CNBD1: variants seen among roughly 807,000 people sequenced by gnomAD.
CNBD1 encodes cyclic nucleotide-binding domain-containing protein 1.
A neutral mutation model predicts 54.4 loss-of-function variants in CNBD1; 71 were observed. The ratio of observed to expected loss-of-function variants is 1.30; its 90% CI spans 1.08 to 1.59. The LOEUF (loss-of-function observed/expected upper bound fraction) is 1.59. Ranked by LOEUF, CNBD1 falls within the 40% of genes most tolerant of loss-of-function variation. The pLI is 0.00. For missense variants in CNBD1, 659 were observed against 518.0 expected (o/e 1.27, Z -2.64); for synonymous variants, 182 against 170.7 (o/e 1.07, Z -0.51).
At chr8:87,180,771 A>G (rs949555049) in intron 4 of CNBD1, among the ~76,000 whole-genome samples, 1 of 152,132 alleles carries the variant, frequency 6.6e-6, no homozygotes, top group Admixed American at 6.6e-5. Flanking sequence ...TGTGTGTTTG[A>G]CTCTCAGGCA....
chr8:87,313,560 G>C (rs147831341), intron 8 of CNBD1, among the ~76,000 whole-genome samples: 106 of 151,994 alleles, frequency 7.0e-4, no homozygotes, highest in African/African-American at 2.4e-3. Flanking sequence ...TGGAACCATA[G>C]AATATCATTT....
At chr8:87,199,334 A>T (rs1054617089) in intron 4 of CNBD1, among the ~76,000 whole-genome samples, 4 of 152,220 alleles carry the variant, frequency 2.6e-5, no homozygotes, top group African/African-American at 4.8e-5. Flanking sequence ...TCAACAACAG[A>T]TTTGAGTTGC....
At chr8:87,087,236 TATATATATACGTATATATATATATAC>T (rs905187737) in intron 4 of CNBD1, among the ~76,000 whole-genome samples, 3 of 140,368 alleles carry the variant, frequency 2.1e-5, no homozygotes, top group African/African-American at 8.2e-5. Flanking sequence ...CACACACACA[TATATATATACGTATATATATATATAC>T]ATATATATAT....
chr8:86,970,658 C>G (rs1022924809), intron 4 of CNBD1, among the ~76,000 whole-genome samples: 2 of 151,830 alleles, frequency 1.3e-5, no homozygotes, highest in African/African-American at 4.8e-5. Flanking sequence ...TCTTTAAGTT[C>G]CTATGTATGT....
chr8:87,369,995 G>A (rs1171114078), intron 10 of CNBD1, among the ~76,000 whole-genome samples: 1 of 151,818 alleles, frequency 6.6e-6, no homozygotes, highest in African/African-American at 2.4e-5. Context: ...TTTTGTCCCT[G>A]CAATAGTTTA....
chr8:87,088,777 A>G (rs1228040498), intron 4 of CNBD1, among the ~76,000 whole-genome samples: 1 of 152,142 alleles, frequency 6.6e-6, no homozygotes, highest in Non-Finnish European at 1.5e-5. Context: ...ATATATCAAA[A>G]TACAGAATGT....
rs1808351246 is a variant in CNBD1, at chr8:87,270,958, T to C, written c.772-13720T>C. On this transcript the variant is annotated intron_variant, in intron 6 of 10. Transcript: ENST00000518476. ...TGGCTTTGATTTTGTTACTCATTAT[T>C]TGTTTGTTGAGATTTTCTATTTCTT... Among the ~76,000 whole-genome samples, 3 of 151,816 alleles carry C rather than the reference T, an allele frequency of 2.0e-5. 1 individual carries two copies. In the South Asian group the frequency reaches 6.2e-4, roughly 31 times the overall value.
chr8:87,057,708 G>A (rs1055740624), intron 4 of CNBD1, among the ~76,000 whole-genome samples: 1 of 152,086 alleles, frequency 6.6e-6, no homozygotes, highest in African/African-American at 2.4e-5. Flanking sequence ...AATTAGCTGG[G>A]CATGGTGGTA....
At chr8:87,021,182 G>A (rs577073929) in intron 4 of CNBD1, among the ~76,000 whole-genome samples, 7 of 152,222 alleles carry the variant, frequency 4.6e-5, no homozygotes, top group East Asian at 1.9e-4. Flanking sequence ...ACCTCCTGAC[G>A]GCTATGTCAT....
intron 4 of CNBD1, among the ~76,000 whole-genome samples, chr8:87,140,809 A>T (rs1277360284): frequency 6.6e-6 from 1 of 152,190 alleles, no homozygotes; most frequent in Non-Finnish European, 1.5e-5. Context: ...ATGAAATGGC[A>T]AGAAGCCCTA....
downstream of CNBD1, among the ~76,000 whole-genome samples, chr8:87,383,923 G>T (rs1271913493): frequency 6.6e-6 from 1 of 152,076 alleles, no homozygotes; most frequent in African/African-American, 2.4e-5. Flanking sequence ...AGATGTCAGT[G>T]ATTATCTGAT....
rs182059163 is a variant in CNBD1 at position 86,909,449 on chromosome 8, T to A, written c.272+4255T>A. Among the ~76,000 whole-genome samples the A allele has an allele frequency of 2.3e-3, 350 of 152,336 alleles. 2 individuals are homozygous for A. The highest frequency in any genetic ancestry group is 8.1e-3 in the African/African-American group (338 of 41,578). ...CTGAGAATAGTGCAGTTAAAGGGAATTTGGTAAATAGTTTACATTTTTTAA... is the reference window on the plus strand; with the variant it reads ...CTGAGAATAGTGCAGTTAAAGGGAAATTGGTAAATAGTTTACATTTTTTAA... On this transcript the variant is annotated intron_variant, in intron 3 of 10. Coordinates refer to ENST00000518476, the MANE Select transcript of CNBD1 (RefSeq NM_173538.3).
chr8:86,912,167 G>A (rs1425868379), intron 3 of CNBD1, among the ~76,000 whole-genome samples: 1 of 151,756 alleles, frequency 6.6e-6, no homozygotes, highest in Non-Finnish European at 1.5e-5. Context: ...TTCCAGAAGG[G>A]GTTAGTCAGC....
intron 3 of CNBD1, among the ~76,000 whole-genome samples, chr8:86,923,271 C>T (rs1809305254): frequency 1.3e-5 from 2 of 151,964 alleles, no homozygotes; most frequent in Admixed American, 6.6e-5. Flanking sequence ...AAGGTCTTGT[C>T]TGTGGCTAAT....
At chr8:87,173,958 AT>A (rs1813144881) in intron 4 of CNBD1, among the ~76,000 whole-genome samples, 1 of 149,986 alleles carries the variant, frequency 6.7e-6, no homozygotes, top group African/African-American at 2.5e-5. Flanking sequence ...TTATTTATTT[AT>A]TTATTATTAT....
intron 5 of CNBD1, among the ~76,000 whole-genome samples, chr8:87,219,729 T>C: frequency 6.6e-6 from 1 of 152,036 alleles, no homozygotes; most frequent in East Asian, 1.9e-4. Flanking sequence ...ATATTTATTG[T>C]TCATGCTTAC....
intron 4 of CNBD1, among the ~76,000 whole-genome samples, chr8:86,949,847 G>T (rs1163571005): frequency 6.6e-6 from 1 of 150,630 alleles, no homozygotes; most frequent in Non-Finnish European, 1.5e-5. Flanking sequence ...ACCAGCATGG[G>T]TCTGTCATAT....
At chr8:87,361,640 C>T (rs535514040) in intron 10 of CNBD1, among the ~76,000 whole-genome samples, 1 of 150,748 alleles carries the variant, frequency 6.6e-6, no homozygotes, top group South Asian at 2.1e-4. Context: ...ATATACTTTG[C>T]CCCAGCAATT....
At chr8:86,912,133 G>A (rs948571454) in intron 3 of CNBD1, among the ~76,000 whole-genome samples, 5 of 152,088 alleles carry the variant, frequency 3.3e-5, no homozygotes, top group Non-Finnish European at 7.4e-5. Context: ...TTATAAAAAT[G>A]TTATCAGATT....
Sources: gnomAD v4.1 joint callset for allele counts (sites outside exome capture counted in the v4.1 genomes callset) on GRCh38, gnomAD v4.1.1 for gene constraint, MANE v1.5 for transcripts, NCBI Gene and HGNC (gene_info 2026-07-23, HGNC 2026-07-21) for gene names.